MAGI1: variants seen among roughly 807,000 people sequenced by gnomAD.
The protein encoded by MAGI1 is membrane associated guanylate kinase, WW and PDZ domain containing 1.
MAGI1 carries 58 observed loss-of-function variants against 139.9 expected under a neutral mutation model. The observed-to-expected ratio is 0.41, with a 90% CI of 0.34 to 0.52. The LOEUF is 0.52. Ranked by LOEUF, MAGI1 falls within the 20% of genes least tolerant of loss-of-function variation. MAGI1 has a pLI of 0.12. For missense variants in MAGI1, 1,874 were observed against 1,901.6 expected, an observed-to-expected ratio of 0.99 and a Z score of 0.27; for synonymous variants, 812 against 737.9, an observed-to-expected ratio of 1.10 and a Z score of -1.63.
chr3:66,000,268 G>A (rs761833434), intron 1 of MAGI1, among the ~76,000 whole-genome samples: 8 of 151,924 alleles, frequency 5.3e-5, no homozygotes, highest in Non-Finnish European at 8.8e-5. Flanking sequence ...AAGCCACCGC[G>A]CCCAGCCCTT....
chr3:65,419,127 T>G (rs1416750426), intron 12 of MAGI1, among the ~76,000 whole-genome samples: 1 of 152,106 alleles, frequency 6.6e-6, no homozygotes, highest in Non-Finnish European at 1.5e-5. Context: ...GTAATCTCAT[T>G]CAGCCCCATG....
At chr3:65,791,741 T>C (rs977460487) in intron 1 of MAGI1, among the ~76,000 whole-genome samples, 2 of 152,188 alleles carry the variant, frequency 1.3e-5, no homozygotes, top group African/African-American at 4.8e-5. Flanking sequence ...TGTGTGTGTT[T>C]TTCCATTTGC....
In MAGI1 at chr3:65,429,727, C is replaced by T. The variant is rs1255815674; in HGVS notation, c.1960G>A (p.Gly654Ser). Residue 654 changes from glycine (G) to serine (S), a missense_variant, in exon 12 of 23, where the codon GGT becomes AGT. By Grantham distance (56) the Gly-to-Ser change is moderately conservative (BLOSUM62 0). Coordinates refer to ENST00000402939, the MANE Select transcript of MAGI1 (RefSeq NM_001033057.2). ...VHIVKGPMGF[G>S]FTIADSPGGG... ...CCAGGACTGTCTGCGATAGTAAAAC[C>T]AAAGCCCATTGGCCCTTTGACAATA... 6.2e-7 allele frequency: 1 copy of T among 1,613,934 alleles called. No individual in the cohort carries two copies. The highest frequency in any genetic ancestry group is 8.5e-7 in the Non-Finnish European group (1 of 1,179,952).
At chr3:65,559,577 G>A (rs1201238478) in intron 2 of MAGI1, among the ~76,000 whole-genome samples, 1 of 152,108 alleles carries the variant, frequency 6.6e-6, no homozygotes, top group East Asian at 1.9e-4. Context: ...CTTACTGTGT[G>A]CCAGGGGCTA....
chr3:65,719,710 T>C (rs992381768), intron 1 of MAGI1, among the ~76,000 whole-genome samples: 1 of 152,074 alleles, frequency 6.6e-6, no homozygotes, highest in Non-Finnish European at 1.5e-5. Flanking sequence ...CATGCCAGGC[T>C]AATTTTTGTA....
chr3:65,371,059 C>G (rs930639167), intron 18 of MAGI1, among the ~76,000 whole-genome samples: 2 of 152,234 alleles, frequency 1.3e-5, no homozygotes, highest in Admixed American at 1.3e-4. Flanking sequence ...TTTCTAAGCT[C>G]TTCACTCAGG....
intron 1 of MAGI1, among the ~76,000 whole-genome samples, chr3:66,010,489 A>G (rs993405527): frequency 1.3e-5 from 2 of 152,182 alleles, no homozygotes; most frequent in Non-Finnish European, 2.9e-5. Context: ...AATGAAAGAA[A>G]CTGCCTCTTG....
intron 1 of MAGI1, among the ~76,000 whole-genome samples, chr3:65,903,350 T>C (rs1337129197): frequency 6.6e-6 from 1 of 152,138 alleles, no homozygotes; most frequent in African/African-American, 2.4e-5. Context: ...GTCCTGGGTA[T>C]GTATCCTGGA....
intron 2 of MAGI1, among the ~76,000 whole-genome samples, chr3:65,524,000 A>G (rs2078275452): frequency 6.6e-6 from 1 of 152,160 alleles, no homozygotes. Flanking sequence ...TACAAAGCAA[A>G]TGCTCAATGA....
chr3:65,645,221 C>T (rs562265773), intron 1 of MAGI1, among the ~76,000 whole-genome samples: 27 of 151,592 alleles, frequency 1.8e-4, no homozygotes, highest in African/African-American at 6.0e-4. Context: ...TCAGCAAACC[C>T]AAAATAGAAT....
chr3:65,835,582 G>T (rs2042760031), intron 1 of MAGI1, among the ~76,000 whole-genome samples: 1 of 149,226 alleles, frequency 6.7e-6, no homozygotes, highest in Admixed American at 6.7e-5. Flanking sequence ...GGCCATTCGT[G>T]ATAAGCCAGT....
At chr3:65,773,341 T>C (rs749124986) in intron 1 of MAGI1, among the ~76,000 whole-genome samples, 4 of 130,062 alleles carry the variant, frequency 3.1e-5, no homozygotes, top group Non-Finnish European at 6.8e-5. Context: ...AAGACTGGTC[T>C]AGTCAACACA....
intron 1 of MAGI1, among the ~76,000 whole-genome samples, chr3:65,669,138 T>A (rs576878345): frequency 5.9e-5 from 9 of 152,152 alleles, no homozygotes; most frequent in Non-Finnish European, 1.3e-4. Flanking sequence ...GGTTTCACCA[T>A]CTTGGCCAGG....
chr3:65,590,626 A>C (rs975486757), intron 2 of MAGI1, among the ~76,000 whole-genome samples: 4 of 152,188 alleles, frequency 2.6e-5, no homozygotes, highest in Non-Finnish European at 5.9e-5. Context: ...ATTCGTCTTT[A>C]ATTAGCTGCT....
chr3:65,728,023 T>C (rs2033800306), intron 1 of MAGI1, among the ~76,000 whole-genome samples: 1 of 152,158 alleles, frequency 6.6e-6, no homozygotes, highest in Non-Finnish European at 1.5e-5. Flanking sequence ...TAAAGGGATA[T>C]AGTCTGTTTC....
chr3:65,603,513 T>C (rs2106859536), intron 2 of MAGI1, among the ~76,000 whole-genome samples: 1 of 152,380 alleles, frequency 6.6e-6, no homozygotes, highest in East Asian at 1.9e-4. Context: ...TTCTGTCTAG[T>C]TGATTGAACC....
At chr3:65,467,841 C>T (rs190928109) in intron 5 of MAGI1, among the ~76,000 whole-genome samples, 6 of 152,230 alleles carry the variant, frequency 3.9e-5, no homozygotes, top group Admixed American at 2.0e-4. Context: ...GACATAATTT[C>T]GAAGGCAATT....
intron 1 of MAGI1, among the ~76,000 whole-genome samples, chr3:65,630,173 G>A (rs1252441106): frequency 1.3e-5 from 2 of 152,094 alleles, no homozygotes; most frequent in African/African-American, 4.8e-5. Flanking sequence ...TATTTATTAA[G>A]TGCCTAGAGC....
chr3:65,530,658 T>TATATATATATACATATATATATAC (rs1559642194), intron 2 of MAGI1, among the ~76,000 whole-genome samples: 2 of 130,616 alleles, frequency 1.5e-5, no homozygotes, highest in African/African-American at 6.5e-5. Context: ...TGTGTGTGTG[T>TATATATATATACATATATATATAC]GTGTATATAT....
Sources: gnomAD v4.1 joint callset for allele counts (sites outside exome capture counted in the v4.1 genomes callset) on GRCh38, gnomAD v4.1.1 for gene constraint, MANE v1.5 for transcripts, NCBI Gene and HGNC (gene_info 2026-07-23, HGNC 2026-07-21) for gene names.